ZNF687: variants seen among roughly 807,000 people sequenced by gnomAD.
ZNF687 encodes the protein zinc finger protein 687.
Under a neutral mutation model 71.8 loss-of-function variants are expected in ZNF687, and 13 were observed. The observed-to-expected ratio is 0.18, with a 90% CI of 0.12 to 0.29. The LOEUF (loss-of-function observed/expected upper bound fraction) is 0.29, where lower values mean the gene tolerates loss of function less well. ZNF687 is among the 10% of genes least tolerant of loss of function. The pLI is 1.00. For synonymous variants in ZNF687, 673 were observed against 641.6 expected (o/e 1.05, Z -0.74); for missense variants, 1,412 against 1,625.6 (o/e 0.87, Z 2.26).
Position 151,286,393 on chromosome 1 carries a change from TGAG to T in ZNF687, c.104_106del (p.Glu35del), listed in dbSNP as rs778932099. ...CCATCCATTCTGGGCCAGAAGAAAA[TGAG>T]GGGCCTGGAGGCCCAGGGAAGCCAG... is the stretch of plus-strand genomic sequence containing the variant. On this transcript the variant is annotated inframe_deletion, in exon 2 of 9. Transcript: ENST00000336715. 6.2e-7 allele frequency: 1 copy of T among 1,612,630 alleles called. No individual in the cohort carries two copies. Among genetic ancestry groups the T allele is most frequent in the Non-Finnish European group, 8.5e-7 (1 of 1,179,666 alleles).
At position 151,286,853 on chromosome 1, in the gene ZNF687, G is replaced by A. The variant is rs375291871; in HGVS notation, c.562G>A (p.Gly188Arg). ...CTCTGCACCCTCTCCCACTCGGGAG[G>A]GGGCTCTGACCCCGCCTCCTTTCCC... ...PPSAPSPTREGALTPPPFPSS... is the reference protein window; with the variant it reads ...PPSAPSPTRERALTPPPFPSS... The change falls in exon 2 of 9, where the codon GGG becomes AGG. Residue 188 changes from glycine (G) to arginine (R), a missense_variant. Coordinates refer to ENST00000336715, the MANE Select transcript of ZNF687 (RefSeq NM_020832.3). 6 of 1,613,784 alleles carry A rather than the reference G, an allele frequency of 3.7e-6. No individual in the cohort carries two copies. The African/African-American group carries it at 6.7e-5, about 18-fold the overall frequency.
chr1:151,285,406 C>T (rs932855288), intron 1 of ZNF687: 3 of 152,002 alleles, frequency 2.0e-5, no homozygotes, highest in African/African-American at 7.3e-5. Context: ...TTACCCTTCC[C>T]TGTTCCCTGT....
At chr1:151,288,831 C>A in intron 3 of ZNF687, 125 bp downstream of exon 3, 2 of 1,244,674 alleles carry the variant, frequency 1.6e-6, no homozygotes, top group Non-Finnish European at 1.1e-6. Flanking sequence ...TTGCCAGACT[C>A]AACCCTGAGA....
At chr1:151,289,338 C>T in intron 4 of ZNF687, 40 bp from the exon 5 acceptor site, 1 of 1,613,572 alleles carries the variant, frequency 6.2e-7, no homozygotes, top group South Asian at 1.1e-5. Context: ...GGAGGGGCTG[C>T]ACCCAACCCT....
chr1:151,288,916 C>T (rs587681763), intron 3 of ZNF687, among the ~76,000 whole-genome samples, 179 bp from the exon 4 acceptor site: 5 of 152,334 alleles, frequency 3.3e-5, no homozygotes, highest in South Asian at 2.1e-4. Context: ...TCCAGCTCTC[C>T]CTTGGCAGCC....
Position 151,287,851 on chromosome 1 carries a change from A to G in ZNF687, c.1560A>G (p.Pro520=), listed in dbSNP as rs759167252. The change falls in exon 2 of 9, where the codon CCA becomes CCG. Residue 520 remains proline (P), a synonymous_variant. Coordinates refer to ENST00000336715, the MANE Select transcript of ZNF687 (RefSeq NM_020832.3). The surrounding 1 kb of genome is among the most constrained non-coding windows in gnomAD (Gnocchi z 5.0). ...CTGCCTATAGGCCAAACCTGAGCCC[A>G]CCAGCTGAGGCTGGGCTGGCCCTGC... is the stretch of plus-strand genomic sequence containing the variant. ...LLPAYRPNLS[P]PAEAGLALPP... 1.1e-5 allele frequency: 17 copies of G among 1,613,856 alleles called. No individual in the cohort carries two copies. The African/African-American group carries it at 2.0e-4, about 19-fold the overall frequency.
chr1:151,286,255 C>G lies in ZNF687; in HGVS notation c.-17-20C>G. On this transcript the variant is annotated intron_variant, in intron 1 of 8. Coordinates refer to ENST00000336715, the MANE Select transcript of ZNF687 (RefSeq NM_020832.3). The stretch of plus-strand genomic sequence containing the variant: ...CTTCTAGACATCTCAGTTTCTCCTC[C>G]TCGTTCCTGTTTTCATCAGGTCTGG... The G allele has an allele frequency of 1.3e-6, 2 of 1,514,968 alleles. No individual in the cohort carries two copies. Among genetic ancestry groups the G allele is most frequent in the Non-Finnish European group, 1.8e-6 (2 of 1,131,900 alleles). The allele number at this position is 1,514,968 out of a possible 1,614,324, so 93.8% of individuals were successfully genotyped here. A position where few individuals can be genotyped will look rare whatever the true frequency, so the allele number is the denominator to read the frequency against.
In ZNF687 at chr1:151,290,831, GCGC is replaced by G. The variant is rs1157940775; in HGVS notation, c.3337_3339del (p.Arg1113del). On this transcript the variant is annotated inframe_deletion, in exon 9 of 9. Coordinates refer to ENST00000336715, the MANE Select transcript of ZNF687 (RefSeq NM_020832.3). ...CTGGATCTGGAGGCCATGGCCCTCT[GCGC>G]TACCGGAGCAGCAGCTCCACAGAAC... is the stretch of plus-strand genomic sequence containing the variant. 2 of 1,614,000 alleles carry G rather than the reference GCGC, an allele frequency of 1.2e-6. No homozygotes were observed. Among genetic ancestry groups the G allele is most frequent in the South Asian group, 2.2e-5 (2 of 91,082 alleles).
In ZNF687 at chr1:151,290,068, C is replaced by G; in HGVS notation, c.2965-54C>G. ...GGCAGCATTGGGACTGCCAGTGTGACAGTGGGGACGGGGTCCTGGAGCCTG... is the reference window on the plus strand; with the variant it reads ...GGCAGCATTGGGACTGCCAGTGTGAGAGTGGGGACGGGGTCCTGGAGCCTG... On this transcript the variant is annotated intron_variant, in intron 6 of 8. Coordinates refer to ENST00000336715, the MANE Select transcript of ZNF687 (RefSeq NM_020832.3). 4 of 1,610,278 alleles carry G rather than the reference C, an allele frequency of 2.5e-6. No homozygotes were observed. The South Asian group carries it at 4.4e-5, about 18-fold the overall frequency.
intron 7 of ZNF687, 89 bp downstream of exon 7, chr1:151,290,323 T>C (rs769381646): frequency 6.2e-7 from 1 of 1,608,610 alleles, no homozygotes; most frequent in East Asian, 2.2e-5. Flanking sequence ...CGTGTCTAAG[T>C]GGCCTGATGG....
In ZNF687 at chr1:151,288,128, A is replaced by T; in HGVS notation, c.1837A>T (p.Ile613Phe). Residue 613 changes from isoleucine (I) to phenylalanine (F), a missense_variant, in exon 2 of 9, where the codon ATC becomes TTC. Physicochemically the swap from Ile to Phe is conservative, Grantham distance 21 (BLOSUM62 0). Coordinates refer to ENST00000336715, the MANE Select transcript of ZNF687 (RefSeq NM_020832.3). The part of the protein sequence containing the change: ...ALDQMVGQPD[I>F]TPLLPVAVPP... Reference sequence around the variant, plus strand: ...TGACCAGATGGTGGGGCAGCCGGACATCACACCGCTGCTGCCTGTAGCTGT... The same window carrying T: ...TGACCAGATGGTGGGGCAGCCGGACTTCACACCGCTGCTGCCTGTAGCTGT... 6.2e-7 allele frequency: 1 copy of T among 1,613,896 alleles called. No homozygotes were observed. The highest frequency in any genetic ancestry group is 8.5e-7 in the Non-Finnish European group (1 of 1,180,020).
upstream of ZNF687, chr1:151,281,959 C>G (rs1347776390): frequency 8.5e-7 from 1 of 1,178,206 alleles, no homozygotes; most frequent in Non-Finnish European, 1.1e-6. Flanking sequence ...TGGGTGCTCC[C>G]CCTTCCAGTA....
chr1:151,289,387 C>T lies in ZNF687; in HGVS notation c.2481C>T (p.Tyr827=). Residue 827 remains tyrosine, a synonymous_variant, in exon 5 of 9, where the codon TAC becomes TAT. Transcript: ENST00000336715. ...ACTGTCCTCACTTCAGGCTGATCTACAAGTGCGCCATGTGCGACACAGTCT... is the reference window on the plus strand; with the variant it reads ...ACTGTCCTCACTTCAGGCTGATCTATAAGTGCGCCATGTGCGACACAGTCT... The part of the protein sequence containing the change: ...SFQTQQAKLI[Y]KCAMCDTVFT... The T allele has an allele frequency of 6.2e-7, 1 of 1,614,174 alleles. No homozygotes were observed. The highest frequency in any genetic ancestry group is 8.5e-7 in the Non-Finnish European group (1 of 1,180,040).
chr1:151,284,887 A>G (rs1693878185), intron 1 of ZNF687, among the ~76,000 whole-genome samples: 1 of 126,886 alleles, frequency 7.9e-6, no homozygotes, highest in Non-Finnish European at 1.6e-5. Context: ...ATGGCCCATC[A>G]CAGCCTCGAC....
In ZNF687 at chr1:151,289,663, TGTCTCCTCTCAC is replaced by T; in HGVS notation, c.2635-14_2635-3del. On this transcript the variant is annotated splice_region_variant and splice_polypyrimidine_tract_variant and intron_variant, in intron 5 of 8. Transcript: ENST00000336715. ...CCTCCCCCACAACAGCAACCTCCCT[TGTCTCCTCTCAC>T]AGAACACCCATCAGTCTGGGCGCTT... 1 of 1,584,064 alleles carries T rather than the reference TGTCTCCTCTCAC, an allele frequency of 6.3e-7. No individual in the cohort carries two copies. Among genetic ancestry groups the T allele is most frequent in the East Asian group, 2.3e-5 (1 of 43,514 alleles).
chr1:151,290,618 A>G, intron 8 of ZNF687, 45 bp downstream of exon 8: 1 of 1,593,026 alleles, frequency 6.3e-7, no homozygotes, highest in Middle Eastern at 1.7e-4. Flanking sequence ...TGAGTGGGAA[A>G]CTGGAAGGCA....
chr1:151,290,446 G>C lies in ZNF687; in HGVS notation c.3092G>C (p.Gly1031Ala), dbSNP rs1472012273. ...TCCCATTTCAGGTATTGCACAGAGG[G>C]AAAACGCACCTTCAGCAGCCGCCTG... ...RVYPCRYCTE[G>A]KRTFSSRLIL... Residue 1031 changes from glycine (G) to alanine (A), a missense_variant, in exon 8 of 9, where the codon GGA (glycine) becomes GCA (alanine). Coordinates refer to ENST00000336715, the MANE Select transcript of ZNF687 (RefSeq NM_020832.3). 2 of 1,613,822 alleles carry C rather than the reference G, an allele frequency of 1.2e-6. No homozygotes were observed. Among genetic ancestry groups the C allele is most frequent in the Non-Finnish European group, 1.7e-6 (2 of 1,180,038 alleles).
rs771143952 is a variant in ZNF687 at position 151,290,706 on chromosome 1, T to A, written c.3220-9T>A. Reference sequence around the variant, plus strand: ...GTGGTAAGGCCCAGTTTCTTCCACTTTTCTTCAGGGGCCAGGTCGGAAACG... The same window carrying A: ...GTGGTAAGGCCCAGTTTCTTCCACTATTCTTCAGGGGCCAGGTCGGAAACG... On this transcript the variant is annotated splice_polypyrimidine_tract_variant and intron_variant, in intron 8 of 8. Coordinates refer to ENST00000336715, the MANE Select transcript of ZNF687 (RefSeq NM_020832.3). 6 of 1,591,086 alleles carry A rather than the reference T, an allele frequency of 3.8e-6. No homozygotes were observed. In the African/African-American group the frequency reaches 5.4e-5, roughly 14 times the overall value.
chr1:151,286,242 TCA>T, intron 1 of ZNF687, 31 bp from the exon 2 acceptor site: 2 of 1,494,666 alleles, frequency 1.3e-6, no homozygotes, highest in South Asian at 1.4e-5. Flanking sequence ...TCTAGACATC[TCA>T]GTTTCTCCTC....
Sources: gnomAD v4.1 joint callset for allele counts (sites outside exome capture counted in the v4.1 genomes callset) on GRCh38, gnomAD v4.1.1 for gene constraint, Gnocchi (gnomAD v3.1) non-coding constraint, MANE v1.5 for transcripts, NCBI Gene and HGNC (gene_info 2026-07-23, HGNC 2026-07-21) for gene names.